Variants in PCDH9 observed in about 807,000 individuals in gnomAD.
PCDH9 encodes the protein protocadherin 9.
PCDH9 carries 24 observed loss-of-function variants against 70.6 expected under a neutral mutation model. The observed-to-expected ratio is 0.34, with a 90% confidence interval of 0.25 to 0.48. The LOEUF (loss-of-function observed/expected upper bound fraction) is 0.48, where lower values mean the gene tolerates loss of function less well. Among genes scored for constraint, PCDH9 ranks in the 20% least tolerant of loss-of-function variants. The pLI, the probability that PCDH9 is intolerant of heterozygous loss-of-function variation, is 0.99. For missense variants in PCDH9, 1,281 were observed against 1,503.6 expected (o/e 0.85, Z 2.45); for synonymous variants, 562 against 558.5 (o/e 1.01, Z -0.09).
At chr13:67,150,139 T>G (rs2087621798) in intron 2 of PCDH9, among the ~76,000 whole-genome samples, 1 of 152,212 alleles carries the variant, frequency 6.6e-6, no homozygotes, top group South Asian at 2.1e-4. Flanking sequence ...GTTCAAGTGA[T>G]TATCCTGCCT....
At chr13:66,905,983 T>A (rs552289881) in intron 2 of PCDH9, among the ~76,000 whole-genome samples, 1 of 152,340 alleles carries the variant, frequency 6.6e-6, no homozygotes, top group African/African-American at 2.4e-5. Context: ...TCTGTTTGTT[T>A]GTTTGATAAT....
At chr13:66,368,047 G>A (rs976861311) in intron 4 of PCDH9, among the ~76,000 whole-genome samples, 2 of 151,888 alleles carry the variant, frequency 1.3e-5, no homozygotes, top group Non-Finnish European at 2.9e-5. Flanking sequence ...TGAGGACTTT[G>A]ATAAAAAAAT....
intron 3 of PCDH9, among the ~76,000 whole-genome samples, chr13:66,833,156 T>C (rs1449132827): frequency 1.3e-5 from 2 of 152,180 alleles, no homozygotes; most frequent in Non-Finnish European, 2.9e-5. Context: ...ACATGTACCT[T>C]GAGGAGAGCT....
intron 2 of PCDH9, among the ~76,000 whole-genome samples, chr13:66,948,263 T>C (rs1359657793): frequency 1.3e-5 from 2 of 152,158 alleles, no homozygotes; most frequent in African/African-American, 4.8e-5. Flanking sequence ...CAGAAACAGA[T>C]GCAGTTCATG....
At chr13:66,314,874 A>G (rs1233736243) in intron 4 of PCDH9, among the ~76,000 whole-genome samples, 2 of 152,208 alleles carry the variant, frequency 1.3e-5, no homozygotes, top group African/African-American at 2.4e-5. Context: ...GTGTTGAACT[A>G]TATGGCAAAG....
intron 2 of PCDH9, among the ~76,000 whole-genome samples, chr13:67,106,839 G>A (rs139415965): frequency 9.1e-4 from 139 of 152,270 alleles, no homozygotes; most frequent in African/African-American, 3.2e-3. Context: ...GAACAAAGTT[G>A]AGGCTGAGCC....
At chr13:67,173,432 A>T (rs2985921) in intron 2 of PCDH9, among the ~76,000 whole-genome samples, 150,027 of 151,970 alleles carry the variant, frequency 0.99, 74,084 homozygotes, top group Non-Finnish European at 1. Flanking sequence ...TTATATATAT[A>T]TTTTCCAACT....
chr13:66,384,831 AT>A (rs35787790), intron 4 of PCDH9, among the ~76,000 whole-genome samples: 68,010 of 151,072 alleles, frequency 0.45, 16,516 homozygotes, highest in East Asian at 0.62. Flanking sequence ...CTCCCAGATA[AT>A]TTTTTTTTGT....
intron 2 of PCDH9, among the ~76,000 whole-genome samples, chr13:67,021,151 C>G (rs2084666115): frequency 6.6e-6 from 1 of 152,124 alleles, no homozygotes. Flanking sequence ...ATAAGTTACC[C>G]AATACAGACC....
At chr13:66,568,992 G>GTTTTTTTTTT (rs1263205330) in intron 4 of PCDH9, among the ~76,000 whole-genome samples, 4 of 80,704 alleles carry the variant, frequency 5.0e-5, no homozygotes, top group South Asian at 4.3e-4. Context: ...TTGGAAACAT[G>GTTTTTTTTTT]TCTTTTTTTT....
Position 66,923,222 on chromosome 13 carries a change from C to T in PCDH9, c.3037-19617G>A, listed in dbSNP as rs140106070. Among the ~76,000 whole-genome samples, 586 of 151,562 alleles carry T rather than the reference C, an allele frequency of 3.9e-3. 6 individuals are homozygous for T. Among genetic ancestry groups the T allele is most frequent in the South Asian group, 0.023 (112 of 4,806 alleles). On this transcript the variant is annotated intron_variant, in intron 2 of 4. Coordinates refer to ENST00000377865, the MANE Select transcript of PCDH9 (RefSeq NM_203487.3). The stretch of plus-strand genomic sequence containing the variant: ...CACAGAATTAATTTATAAACTGCTG[C>T]ACCTGGCTAGTACACATAAACAGTT...
At chr13:66,805,455 T>A (rs1486022140) in intron 3 of PCDH9, among the ~76,000 whole-genome samples, 1 of 152,072 alleles carries the variant, frequency 6.6e-6, no homozygotes, top group Non-Finnish European at 1.5e-5. Context: ...CTAAAATAGG[T>A]AAAAATAAAA....
At chr13:66,627,444 C>T (rs757637148) in intron 4 of PCDH9, among the ~76,000 whole-genome samples, 1 of 152,106 alleles carries the variant, frequency 6.6e-6, no homozygotes, top group African/African-American at 2.4e-5. Flanking sequence ...TAATTCTATC[C>T]TAATATGAAT....
At chr13:66,990,348 T>C (rs1433958947) in intron 2 of PCDH9, among the ~76,000 whole-genome samples, 1 of 151,714 alleles carries the variant, frequency 6.6e-6, no homozygotes, top group Non-Finnish European at 1.5e-5. Flanking sequence ...CAGTTCATCA[T>C]CTCCCTCTCT....
intron 2 of PCDH9, among the ~76,000 whole-genome samples, chr13:67,105,051 T>A (rs1324818923): frequency 1.3e-5 from 2 of 152,000 alleles, no homozygotes; most frequent in Admixed American, 1.3e-4. Flanking sequence ...TAGTCTGCAG[T>A]CACATATCTT....
intron 3 of PCDH9, among the ~76,000 whole-genome samples, chr13:66,717,578 G>A (rs1258957802): frequency 1.4e-5 from 2 of 146,700 alleles, no homozygotes; most frequent in East Asian, 4.0e-4. Context: ...TTGATTAAGG[G>A]TTTTAGAAAC....
intron 2 of PCDH9, among the ~76,000 whole-genome samples, chr13:66,959,286 T>C (rs1252274201): frequency 6.6e-6 from 1 of 152,190 alleles, no homozygotes; most frequent in African/African-American, 2.4e-5. Flanking sequence ...AAAGTGTGAC[T>C]TTAAAATTTA....
intron 3 of PCDH9, among the ~76,000 whole-genome samples, chr13:66,672,998 C>T (rs1308622329): frequency 1.3e-5 from 2 of 152,098 alleles, no homozygotes; most frequent in African/African-American, 4.8e-5. Flanking sequence ...TGAGTTAATG[C>T]TGAAATGAGT....
At chr13:67,202,209 A>C (rs952850555) in intron 2 of PCDH9, 2 of 152,110 alleles carry the variant, frequency 1.3e-5, no homozygotes, top group African/African-American at 2.4e-5. Flanking sequence ...AAAATTTCTT[A>C]GGCAATAATG....
Sources: gnomAD v4.1 joint callset for allele counts (sites outside exome capture counted in the v4.1 genomes callset) on GRCh38, gnomAD v4.1.1 for gene constraint, MANE v1.5 for transcripts, NCBI Gene and HGNC (gene_info 2026-07-23, HGNC 2026-07-21) for gene names.